GGT7: variants seen among roughly 807,000 people sequenced by gnomAD.
GGT7 encodes gamma-glutamyltransferase 7, also known as glutathione hydrolase 7.
In GGT7, 30 loss-of-function variants were observed where a neutral mutation model predicts 69.2. The ratio of observed to expected loss-of-function variants is 0.43; its 90% confidence interval spans 0.32 to 0.59. The LOEUF (loss-of-function observed/expected upper bound fraction) is 0.59. Ranked by LOEUF, GGT7 falls within the 20% of genes least tolerant of loss-of-function variation. The pLI, the probability that GGT7 is intolerant of heterozygous loss-of-function variation, is 0.05. For missense variants in GGT7, 733 were observed against 901.1 expected (o/e 0.81, Z 2.39); for synonymous variants, 388 against 391.8 (o/e 0.99, Z 0.12).
chr20:34,870,510 A>G (rs866385311), intron 1 of GGT7, among the ~76,000 whole-genome samples: 2 of 152,084 alleles, frequency 1.3e-5, no homozygotes, highest in Admixed American at 6.5e-5. Context: ...TGTTTTTTTG[A>G]GACAGAGTCT....
chr20:34,845,554 C>T, intron 14 of GGT7, 63 bp from the exon 15 acceptor site: 1 of 1,420,306 alleles, frequency 7.0e-7, no homozygotes, highest in Non-Finnish European at 9.8e-7. Context: ...AAGAGTCCTA[C>T]AGTCAGACCT....
At position 34,863,611 on chromosome 20, in the gene GGT7, T is replaced by G; in HGVS notation, c.170-63A>C. Reference sequence around the variant, plus strand: ...TATCTGGCCCTGCCCACCCTCCAGGTGGGACTATTCAGCGCTTTCCCTGCC... The same window carrying G: ...TATCTGGCCCTGCCCACCCTCCAGGGGGGACTATTCAGCGCTTTCCCTGCC... On this transcript the variant is annotated intron_variant, in intron 1 of 14. Coordinates refer to ENST00000336431, the MANE Select transcript of GGT7 (RefSeq NM_178026.3). The surrounding 1 kb of genome is among the most constrained non-coding windows in gnomAD (Gnocchi z 4.4). 1 of 1,128,858 alleles carries G rather than the reference T, an allele frequency of 8.9e-7. No individual in the cohort carries two copies. The highest frequency in any genetic ancestry group is 1.3e-6 in the Non-Finnish European group (1 of 762,372). 69.9% of individuals were successfully genotyped at this position (1,128,858 alleles called of 1,614,324 possible). A position where few individuals can be genotyped will look rare whatever the true frequency, so the allele number is the denominator to read the frequency against.
At position 34,850,147 on chromosome 20, in the gene GGT7, C is replaced by CT. The variant is rs756248040; in HGVS notation, c.1726-88dup. On this transcript the variant is annotated intron_variant, in intron 13 of 14. Transcript: ENST00000336431. ...CAGCTCTCACCCTTGGTCCAGGCTCCTTAGTCTTGAGAATTCTTACACCGG... is the reference window on the plus strand; with the variant it reads ...CAGCTCTCACCCTTGGTCCAGGCTCCTTTAGTCTTGAGAATTCTTACACCGG... 4 of 942,770 alleles carry CT rather than the reference C, an allele frequency of 4.2e-6. No individual in the cohort carries two copies. The East Asian group carries it at 9.5e-5, about 22-fold the overall frequency. 58.4% of individuals were successfully genotyped at this position (942,770 alleles called of 1,614,324 possible).
At chr20:34,852,031 T>C in intron 12 of GGT7, 124 bp downstream of exon 12, 1 of 721,126 alleles carries the variant, frequency 1.4e-6, no homozygotes, top group East Asian at 2.6e-5. Context: ...GAGGTGAACC[T>C]CTTCTTTAGG....
At chr20:34,850,297 C>T (rs1383392438) in intron 13 of GGT7, 1 of 700,532 alleles carries the variant, frequency 1.4e-6, no homozygotes, top group Non-Finnish European at 2.6e-6. Flanking sequence ...TAGAGGAAGC[C>T]AGGGAAGATA....
chr20:34,859,408 G>C, intron 7 of GGT7, 35 bp downstream of exon 7: 1 of 1,514,876 alleles, frequency 6.6e-7, no homozygotes, highest in Non-Finnish European at 8.9e-7. Flanking sequence ...AGGGACCTTG[G>C]GGCATGCCCC....
At chr20:34,854,352 G>A (rs1410284535) in intron 10 of GGT7, among the ~76,000 whole-genome samples, 179 bp downstream of exon 10, 1 of 152,228 alleles carries the variant, frequency 6.6e-6, no homozygotes, top group Non-Finnish European at 1.5e-5. Flanking sequence ...CCAACTCATT[G>A]TGCTGATAGG....
intron 9 of GGT7, 40 bp downstream of exon 9, chr20:34,854,756 T>C (rs1022924233): frequency 1.4e-5 from 22 of 1,613,274 alleles, no homozygotes; most frequent in Non-Finnish European, 1.9e-5. Flanking sequence ...CCACTCCTAA[T>C]ATCCTTAAAT....
At chr20:34,850,284 G>A (rs1306742373) in intron 13 of GGT7, 6 of 729,058 alleles carry the variant, frequency 8.2e-6, no homozygotes, top group Non-Finnish European at 1.5e-5. Flanking sequence ...TTACTCCAGA[G>A]TTTAGAGGAA....
intron 14 of GGT7, among the ~76,000 whole-genome samples, chr20:34,848,074 CAG>C (rs2079328075): frequency 6.6e-6 from 1 of 152,176 alleles, no homozygotes; most frequent in Non-Finnish European, 1.5e-5. Flanking sequence ...GCCTGGGTGA[CAG>C]AGTGAGACTC....
At chr20:34,851,446 C>A in intron 12 of GGT7, 78 bp from the exon 13 acceptor site, 2 of 1,389,402 alleles carry the variant, frequency 1.4e-6, no homozygotes, top group East Asian at 2.3e-5. Flanking sequence ...ACAACCCTTC[C>A]AACTGCTCTC....
At chr20:34,861,210 T>G (rs528183727) in intron 4 of GGT7, among the ~76,000 whole-genome samples, 2 of 152,226 alleles carry the variant, frequency 1.3e-5, no homozygotes, top group East Asian at 3.9e-4. Flanking sequence ...TCAGTAGCCT[T>G]TTTTCTTCCT....
intron 7 of GGT7, 94 bp from the exon 8 acceptor site, chr20:34,856,987 T>C: frequency 1.2e-6 from 1 of 800,786 alleles, no homozygotes; most frequent in Non-Finnish European, 2.2e-6. Flanking sequence ...ATCAGCTGTT[T>C]ATAACTTCTG....
chr20:34,848,562 T>A (rs1039578881), intron 14 of GGT7, among the ~76,000 whole-genome samples: 4 of 152,260 alleles, frequency 2.6e-5, no homozygotes, highest in African/African-American at 7.2e-5. Context: ...TGTGGCCTTG[T>A]CATCTATCAG....
Position 34,863,551 on chromosome 20 carries a change from G to T in GGT7, c.170-3C>A. 1 of 1,561,074 alleles carries T rather than the reference G, an allele frequency of 6.4e-7. No individual in the cohort carries two copies. On this transcript the variant is annotated splice_region_variant and splice_polypyrimidine_tract_variant and intron_variant, in intron 1 of 14. Coordinates refer to ENST00000336431, the MANE Select transcript of GGT7 (RefSeq NM_178026.3). This position sits in a 1 kb window ranked among gnomAD's most constrained non-coding sequence, Gnocchi z 4.4. ...AGACTTCAGGAAGGAGTCCGGGTCT[G>T]CGGGCAGGCAGCCGGGGTCGGTCTG...
At chr20:34,872,478 G>T (rs762945566) in intron 1 of GGT7, 169 bp downstream of exon 1, 19 of 490,158 alleles carry the variant, frequency 3.9e-5, no homozygotes, top group Admixed American at 1.8e-4. Flanking sequence ...AGGCAGAAAT[G>T]CACCCCCTTC....
intron 14 of GGT7, among the ~76,000 whole-genome samples, chr20:34,845,830 T>C (rs1182057838): frequency 1.3e-5 from 2 of 151,904 alleles, no homozygotes; most frequent in African/African-American, 2.4e-5. Flanking sequence ...GAGGCTAAGG[T>C]GGGAGGATCA....
chr20:34,845,295 G>A lies in GGT7; in HGVS notation c.*33C>T, dbSNP rs76569361. 2,417 of 1,585,894 alleles carry A rather than the reference G, an allele frequency of 1.5e-3. 127 individuals are homozygous for A. In the East Asian group the frequency reaches 0.054, roughly 35 times the overall value. ...GAGGGACTCTGGGAACATGCAAAGT[G>A]GGGGAGCAGAGACCCCGCCCCACCC... On this transcript the variant is annotated 3_prime_UTR_variant, in exon 15 of 15. Transcript: ENST00000336431.
Position 34,863,021 on chromosome 20 carries a change from G to A in GGT7, c.406-56C>T, listed in dbSNP as rs761918136. On this transcript the variant is annotated intron_variant, in intron 2 of 14. Coordinates refer to ENST00000336431, the MANE Select transcript of GGT7 (RefSeq NM_178026.3). The surrounding 1 kb of genome is among the most constrained non-coding windows in gnomAD (Gnocchi z 4.4). Reference sequence around the variant, plus strand: ...AGGAGGAGCTGTCCACCTCCCTAGGGCACCTCCACTAGCCCTAGAACTCTA... The same window carrying A: ...AGGAGGAGCTGTCCACCTCCCTAGGACACCTCCACTAGCCCTAGAACTCTA... 2.5e-4 allele frequency: 388 copies of A among 1,530,478 alleles called. No individual in the cohort carries two copies. Among genetic ancestry groups the A allele is most frequent in the Non-Finnish European group, 3.2e-4 (363 of 1,123,324 alleles). 94.8% of individuals were successfully genotyped at this position (1,530,478 alleles called of 1,614,324 possible). A position where few individuals can be genotyped will look rare whatever the true frequency, so the allele number is the denominator to read the frequency against.
Sources: gnomAD v4.1 joint callset for allele counts (sites outside exome capture counted in the v4.1 genomes callset) on GRCh38, gnomAD v4.1.1 for gene constraint, Gnocchi (gnomAD v3.1) non-coding constraint, MANE v1.5 for transcripts, NCBI Gene and HGNC (gene_info 2026-07-23, HGNC 2026-07-21) for gene names.